Variants in KANK3 observed in about 807,000 individuals in gnomAD.
KANK3 encodes KN motif and ankyrin repeat domains 3.
KANK3 carries 61 observed loss-of-function variants against 65.4 expected under a neutral mutation model. The ratio of observed to expected loss-of-function variants is 0.93; its 90% CI spans 0.76 to 1.15. The LOEUF is 1.15. Among genes scored for constraint, KANK3 ranks in the 50% most tolerant of loss-of-function variants. KANK3 has a pLI of 0.00. For missense variants in KANK3, 1,187 were observed against 1,178.8 expected (o/e 1.01, Z -0.10); for synonymous variants, 586 against 543.3 (o/e 1.08, Z -1.09).
chr19:8,334,757 A>G lies in KANK3; in HGVS notation c.1070T>C (p.Leu357Pro). ...LPAAAERELE[L>P]LRASLEHQRG... ...CTGGTGCTCCAGACTGGCGCGCAGC[A>G]GCTCTAGCTCGCGCTCGGCGGCCGC... is the stretch of plus-strand genomic sequence containing the variant. The change falls in exon 3 of 11, where the codon CTG (leucine) becomes CCG (proline). Residue 357 changes from leucine to proline, a missense_variant. By Grantham distance (98) the Leu-to-Pro change is moderately conservative. Coordinates refer to ENST00000330915, the MANE Select transcript of KANK3 (RefSeq NM_198471.3). The G allele has an allele frequency of 6.6e-7, 1 of 1,508,130 alleles. No homozygotes were observed. The highest frequency in any genetic ancestry group is 8.8e-7 in the Non-Finnish European group (1 of 1,136,956). The allele number at this position is 1,508,130 out of a possible 1,614,324, so 93.4% of individuals were successfully genotyped here. A position where few individuals can be genotyped will look rare whatever the true frequency, so the allele number is the denominator to read the frequency against.
At chr19:8,335,874 C>A in intron 2 of KANK3, 82 bp from the exon 3 acceptor site, 4 of 936,724 alleles carry the variant, frequency 4.3e-6, no homozygotes, top group South Asian at 5.5e-5. Context: ...GCGTGTCCCC[C>A]ACCCATGCCC....
At chr19:8,325,296 C>CTTTTTTTTTTTTTTTTTTTTTTTTTTTTT (rs573315741) in intron 7 of KANK3, among the ~76,000 whole-genome samples, 200 bp from the exon 8 acceptor site, 1 of 78,604 alleles carries the variant, frequency 1.3e-5, no homozygotes, top group African/African-American at 5.4e-5. Flanking sequence ...CCTGTTTCAT[C>CTTTTTTTTTTTTTTTTTTTTTTTTTTTTT]TTTTTTTTTT....
intron 10 of KANK3, 26 bp from the exon 11 acceptor site, chr19:8,322,948 C>A (rs761579549): frequency 3.8e-6 from 5 of 1,303,220 alleles, no homozygotes; most frequent in East Asian, 5.3e-5. Flanking sequence ...AAGAGGGGGG[C>A]CTGCTGCAAT....
intron 10 of KANK3, 95 bp downstream of exon 10, chr19:8,324,354 T>C: frequency 8.7e-7 from 1 of 1,154,860 alleles, no homozygotes; most frequent in Non-Finnish European, 1.2e-6. Context: ...GTGCCACCTT[T>C]GGGGAGCAGA....
chr19:8,335,407 C>T lies in KANK3; in HGVS notation c.420G>A (p.Arg140=), dbSNP rs1247204002. The change falls in exon 3 of 11, where the codon CGG becomes CGA. Residue 140 remains arginine, a synonymous_variant. Transcript: ENST00000330915. ...VEHTLRETSR[R]LELAQTHERA... ...GCTCGTGTGTCTGCGCCAGCTCCAG[C>T]CGCCGGCTGGTCTCCCGGAGCGTGT... 1.7e-6 allele frequency: 2 copies of T among 1,203,880 alleles called. No homozygotes were observed. The highest frequency in any genetic ancestry group is 7.9e-5 in the South Asian group (2 of 25,242). The allele number at this position is 1,203,880 out of a possible 1,614,324, so 74.6% of individuals were successfully genotyped here.
intron 1 of KANK3, among the ~76,000 whole-genome samples, chr19:8,339,692 T>C (rs2972579): frequency 0.61 from 92,204 of 151,620 alleles, 28,333 homozygotes; most frequent in African/African-American, 0.66. Context: ...TTTTAAATAG[T>C]GAAACCACCA....
chr19:8,333,239 G>C lies in KANK3; in HGVS notation c.1720-9C>G. ...ACGAGGCGCACTGCGCCCTGCAAGG[G>C]ACAGGGGCCAAGATAACATCGGCGA... On this transcript the variant is annotated splice_polypyrimidine_tract_variant and intron_variant, in intron 6 of 10. Coordinates refer to ENST00000330915, the MANE Select transcript of KANK3 (RefSeq NM_198471.3). The surrounding 1 kb of genome is among the most constrained non-coding windows in gnomAD (Gnocchi z 5.0). 1 of 1,602,908 alleles carries C rather than the reference G, an allele frequency of 6.2e-7. No homozygotes were observed. The highest frequency in any genetic ancestry group is 8.5e-7 in the Non-Finnish European group (1 of 1,175,076).
intron 1 of KANK3, 112 bp from the exon 2 acceptor site, chr19:8,337,968 C>G: frequency 6.6e-7 from 1 of 1,516,712 alleles, no homozygotes; most frequent in Middle Eastern, 2.1e-4. Flanking sequence ...ACCCAGCCAC[C>G]TCCCTCCACA....
chr19:8,327,254 T>G (rs576320512), intron 7 of KANK3, among the ~76,000 whole-genome samples: 1 of 152,046 alleles, frequency 6.6e-6, no homozygotes, highest in Admixed American at 6.6e-5. Context: ...TACACCCAAA[T>G]GCTTAGGGAG....
Position 8,334,360 on chromosome 19 carries a change from C to A in KANK3, c.1387G>T (p.Gly463Ter). The change falls in exon 4 of 11, where the codon GGA (glycine) becomes TGA (stop). Residue 463 changes from glycine (G) to a stop codon, truncating the protein, a stop_gained. Coordinates refer to ENST00000330915, the MANE Select transcript of KANK3 (RefSeq NM_198471.3). LOFTEE classifies it high-confidence loss of function. ...CCAACAAACTGCAGGCTCTTGGGTC[C>A]GGAGCTGGGTTGGGCACCAGGTGTG... Reference protein sequence around the residue: ...DGTPGAQPSSGPKSLQFVGVL... With the variant: ...DGTPGAQPSS 1 of 1,614,128 alleles carries A rather than the reference C, an allele frequency of 6.2e-7. No homozygotes were observed. Among genetic ancestry groups the A allele is most frequent in the Non-Finnish European group, 8.5e-7 (1 of 1,180,008 alleles).
intron 1 of KANK3, among the ~76,000 whole-genome samples, chr19:8,339,367 T>TTG (rs1036552933): frequency 3.3e-5 from 5 of 151,292 alleles, no homozygotes; most frequent in South Asian, 2.1e-4. Flanking sequence ...TTTTGTTTTT[T>TTG]TTTTTTTTTG....
At chr19:8,340,275 C>CATATATATATATATATATATATATATAT (rs1555684729) in intron 1 of KANK3, among the ~76,000 whole-genome samples, 16 of 66,060 alleles carry the variant, frequency 2.4e-4, no homozygotes, top group African/African-American at 9.0e-4. Flanking sequence ...AAAAAAAAAC[C>CATATATATATATATATATATATATATAT]ATATATATAT....
rs1449030567 is a variant in KANK3 at position 8,342,644 on chromosome 19, C to A, written c.-29+581G>T. Among the ~76,000 whole-genome samples, 4 of 151,936 alleles carry A rather than the reference C, an allele frequency of 2.6e-5. No homozygotes were observed. The South Asian group carries it at 8.3e-4, about 32-fold the overall frequency. On this transcript the variant is annotated intron_variant, in intron 1 of 10. Transcript: ENST00000330915. The stretch of plus-strand genomic sequence containing the variant: ...CCAGGAGGCCCTGAGTACTGGCAGC[C>A]CCTGATGTCTGCTGGGACTCTCAGA...
chr19:8,337,801 G>A lies in KANK3; in HGVS notation c.28C>T (p.Leu10=). ...TCTCTTTTTGCACACTCACCGGGCAGGTTCTGATTCAGGGCAAACTTGGCC... is the reference window on the plus strand; with the variant it reads ...TCTCTTTTTGCACACTCACCGGGCAAGTTCTGATTCAGGGCAAACTTGGCC... The part of the protein sequence containing the change: MAKFALNQN[L]PDLGGPRLCP... Residue 10 remains leucine, a synonymous_variant, in exon 2 of 11, where the codon CTG becomes TTG. Transcript: ENST00000330915. The A allele has an allele frequency of 6.2e-7, 1 of 1,613,338 alleles. No homozygotes were observed. The highest frequency in any genetic ancestry group is 8.5e-7 in the Non-Finnish European group (1 of 1,179,992).
intron 1 of KANK3, among the ~76,000 whole-genome samples, chr19:8,340,544 A>C (rs1041469233): frequency 6.6e-6 from 1 of 151,430 alleles, no homozygotes; most frequent in Non-Finnish European, 1.5e-5. Context: ...AACCCACTTC[A>C]TCCTCTCCCT....
intron 2 of KANK3, among the ~76,000 whole-genome samples, chr19:8,336,826 C>T (rs1970648454): frequency 6.6e-6 from 1 of 151,318 alleles, no homozygotes; most frequent in Non-Finnish European, 1.5e-5. Context: ...AGAAAACAGC[C>T]CATGGAAATA....
chr19:8,339,365 T>G (rs1207180839), intron 1 of KANK3, among the ~76,000 whole-genome samples: 2 of 151,120 alleles, frequency 1.3e-5, no homozygotes, highest in African/African-American at 4.9e-5. Flanking sequence ...CTTTTTGTTT[T>G]TTTTTTTTTT....
chr19:8,334,456 C>T (rs770685641), intron 3 of KANK3, 37 bp from the exon 4 acceptor site: 13 of 1,611,236 alleles, frequency 8.1e-6, no homozygotes, highest in East Asian at 2.2e-5. Context: ...AGTTCGAGTC[C>T]GGCGCCGAGT....
intron 7 of KANK3, among the ~76,000 whole-genome samples, chr19:8,329,717 C>T (rs960687592): frequency 1.3e-5 from 2 of 152,088 alleles, no homozygotes; most frequent in Non-Finnish European, 2.9e-5. Context: ...AGTGGGGCAC[C>T]TGCAGACCAG....
Sources: allele counts gnomAD v4.1 joint callset (sites outside exome capture counted in the v4.1 genomes callset), GRCh38; gene constraint gnomAD v4.1.1; non-coding constraint Gnocchi (gnomAD v3.1); transcripts MANE v1.5; gene names NCBI Gene and HGNC (gene_info 2026-07-23, HGNC 2026-07-21).